BLOC1S6: variants seen among roughly 807,000 people sequenced by gnomAD.
BLOC1S6 encodes the protein biogenesis of lysosomal organelles complex 1 subunit 6.
BLOC1S6 carries 24 observed loss-of-function variants against 24.7 expected under a neutral mutation model. The ratio of observed to expected loss-of-function variants is 0.97; its 90% CI spans 0.70 to 1.37. The LOEUF is 1.37. BLOC1S6 is among the 40% of genes most tolerant of loss of function. BLOC1S6 has a pLI of 0.00. For missense variants in BLOC1S6, 175 were observed against 196.2 expected (o/e 0.89, Z 0.64); for synonymous variants, 76 against 72.6 (o/e 1.05, Z -0.23).
chr15:45,597,848 T>A (rs1181001011), intron 2 of BLOC1S6: 1 of 357,982 alleles, frequency 2.8e-6, no homozygotes, highest in East Asian at 9.7e-5. Context: ...TTTGTATACC[T>A]TTTATTTCTT....
Position 45,605,659 on chromosome 15 carries a change from G to A in BLOC1S6, c.399+145G>A, listed in dbSNP as rs1469563318. ...GGCTGGAGTGCAATGGTGCAATCTCGGCTCACTGCAACCTCTGCCTCCGGG... is the reference window on the plus strand; with the variant it reads ...GGCTGGAGTGCAATGGTGCAATCTCAGCTCACTGCAACCTCTGCCTCCGGG... On this transcript the variant is annotated intron_variant, in intron 4 of 4. Transcript: ENST00000220531. 3.2e-5 allele frequency: 20 copies of A among 624,038 alleles called. No individual in the cohort carries two copies. The East Asian group carries it at 4.7e-4, about 15-fold the overall frequency. The allele number at this position is 624,038 out of a possible 1,614,324, so 38.7% of individuals were successfully genotyped here.
At chr15:45,593,597 C>T (rs867098922) in intron 2 of BLOC1S6, among the ~76,000 whole-genome samples, 4 of 151,988 alleles carry the variant, frequency 2.6e-5, no homozygotes, top group African/African-American at 4.8e-5. Context: ...AAACTGCAAG[C>T]GAACATATCT....
At chr15:45,596,258 C>T (rs773360789) in intron 2 of BLOC1S6, among the ~76,000 whole-genome samples, 7 of 151,650 alleles carry the variant, frequency 4.6e-5, no homozygotes, top group Non-Finnish European at 7.4e-5. Context: ...AGTGCAGTGG[C>T]GCAGCCTTAG....
At chr15:45,587,957 G>T (rs1893744763) in intron 1 of BLOC1S6, 1 of 583,832 alleles carries the variant, frequency 1.7e-6, no homozygotes, top group South Asian at 2.1e-5. Flanking sequence ...TCCTGCAGCA[G>T]TCTTCTCGAC....
In BLOC1S6 at chr15:45,597,829, T is replaced by G. The variant is rs141680916; in HGVS notation, c.225-5271T>G. 8.5e-4 allele frequency: 270 copies of G among 316,568 alleles called. 2 individuals are homozygous for G. Among genetic ancestry groups the G allele is most frequent in the African/African-American group, 5.3e-3 (237 of 44,870 alleles). The allele number at this position is 316,568 out of a possible 1,614,324, so 19.6% of individuals were successfully genotyped here. A position where few individuals can be genotyped will look rare whatever the true frequency, so the allele number is the denominator to read the frequency against. ...GGGAACAAAGACAGTATTATTGCTTTCTTCTCAATTTGTATACCTTTTATT... is the reference window on the plus strand; with the variant it reads ...GGGAACAAAGACAGTATTATTGCTTGCTTCTCAATTTGTATACCTTTTATT... On this transcript the variant is annotated intron_variant, in intron 2 of 4. Coordinates refer to ENST00000220531, the MANE Select transcript of BLOC1S6 (RefSeq NM_012388.4).
At chr15:45,599,514 G>C (rs1322134448) in intron 2 of BLOC1S6, 4 of 131,576 alleles carry the variant, frequency 3.0e-5, no homozygotes, top group African/African-American at 1.5e-4. Context: ...TCAAAAAGTG[G>C]GCGAAGGACA....
Position 45,607,556 on chromosome 15 carries a change from T to C in BLOC1S6, c.*1042T>C, listed in dbSNP as rs1894519626. 6.6e-6 allele frequency: 1 copy of C among 152,312 alleles called. No homozygotes were observed. The highest frequency in any genetic ancestry group is 1.9e-4 in the East Asian group (1 of 5,182). The allele number at this position is 152,312 out of a possible 1,614,324, so 9.4% of individuals were successfully genotyped here. A position where few individuals can be genotyped will look rare whatever the true frequency, so the allele number is the denominator to read the frequency against. On this transcript the variant is annotated 3_prime_UTR_variant, in exon 5 of 5. Transcript: ENST00000220531. ...TTGGGACGCCGAGGCGGGTGGATCA[T>C]GAGGTCAAAAGATTGAGACCATCCT...
intron 1 of BLOC1S6, 131 bp downstream of exon 1, chr15:45,587,656 G>A (rs1397332189): frequency 2.1e-6 from 2 of 951,186 alleles, no homozygotes; most frequent in East Asian, 2.6e-5. Flanking sequence ...GCCCTGCCCC[G>A]AGTGCAGAAA....
chr15:45,603,485 G>A (rs1478944715), intron 3 of BLOC1S6, among the ~76,000 whole-genome samples: 1 of 152,200 alleles, frequency 6.6e-6, no homozygotes, highest in Non-Finnish European at 1.5e-5. Context: ...TGAGGCAGGA[G>A]GATTGCTTGA....
In BLOC1S6 at chr15:45,606,605, A is replaced by G. The variant is rs1391268631; in HGVS notation, c.*91A>G. 19 of 1,549,624 alleles carry G rather than the reference A, an allele frequency of 1.2e-5. No individual in the cohort carries two copies. Among genetic ancestry groups the G allele is most frequent in the Non-Finnish European group, 1.7e-5 (19 of 1,123,180 alleles). ...TGAAGTTGAGGTAGTGCCTTATGCC[A>G]TTATGTCATATGTTGAAATCCTTAT... On this transcript the variant is annotated 3_prime_UTR_variant, in exon 5 of 5. Transcript: ENST00000220531.
At chr15:45,605,573 G>GTTTTTTTTTT in intron 4 of BLOC1S6, 59 bp downstream of exon 4, 1 of 824,800 alleles carries the variant, frequency 1.2e-6, no homozygotes, top group Non-Finnish European at 1.8e-6. Context: ...GTTTTTTGTT[G>GTTTTTTTTTT]TTTTTTTTTT....
At chr15:45,603,077 T>C in intron 2 of BLOC1S6, 23 bp from the exon 3 acceptor site, 1 of 1,521,886 alleles carries the variant, frequency 6.6e-7, no homozygotes, top group Non-Finnish European at 9.1e-7. Flanking sequence ...AGAGTTTGTC[T>C]TGGCTGTGTG....
chr15:45,592,146 A>G lies in BLOC1S6; in HGVS notation c.94A>G (p.Thr32Ala). The change falls in exon 2 of 5, where the codon ACT becomes GCT. Residue 32 changes from threonine (T) to alanine (A), a missense_variant. Physicochemically the swap from Thr to Ala is moderately conservative, Grantham distance 58 (BLOSUM62 0). Transcript: ENST00000220531. Reference sequence around the variant, plus strand: ...TTTGCTGGGGACAGGTTTAAGTGACACTTCTCCAGATGAAGGGTTAATAGA... The same window carrying G: ...TTTGCTGGGGACAGGTTTAAGTGACGCTTCTCCAGATGAAGGGTTAATAGA... ...AGEPTPGLSD[T>A]SPDEGLIEDL... 6 of 1,614,172 alleles carry G rather than the reference A, an allele frequency of 3.7e-6. No individual in the cohort carries two copies. The highest frequency in any genetic ancestry group is 5.1e-6 in the Non-Finnish European group (6 of 1,180,040).
chr15:45,594,400 A>G (rs897989604), intron 2 of BLOC1S6, among the ~76,000 whole-genome samples: 14 of 152,206 alleles, frequency 9.2e-5, no homozygotes, highest in Admixed American at 7.9e-4. Context: ...AGTGGCCTCC[A>G]TGGAGCTCCC....
intron 3 of BLOC1S6, among the ~76,000 whole-genome samples, chr15:45,604,495 T>C (rs1231660273): frequency 2.6e-5 from 4 of 152,112 alleles, no homozygotes; most frequent in African/African-American, 9.7e-5. Flanking sequence ...TGAATGAATG[T>C]TGAATGAATT....
At chr15:45,605,750 C>T in intron 4 of BLOC1S6, 1 of 422,218 alleles carries the variant, frequency 2.4e-6, no homozygotes. Context: ...CCACCACACC[C>T]ACCTAATTTT....
At chr15:45,589,632 A>C (rs372848236) in intron 1 of BLOC1S6, among the ~76,000 whole-genome samples, 2 of 152,348 alleles carry the variant, frequency 1.3e-5, no homozygotes, top group South Asian at 2.1e-4. Context: ...CTTCCAGGGA[A>C]GGAGACTTGC....
At chr15:45,592,078 A>G in intron 1 of BLOC1S6, 57 bp from the exon 2 acceptor site, 1 of 1,587,792 alleles carries the variant, frequency 6.3e-7, no homozygotes, top group Non-Finnish European at 8.6e-7. Flanking sequence ...TCAGTTGACC[A>G]GCCTAAAAAA....
At chr15:45,602,821 A>G (rs542582907) in intron 2 of BLOC1S6, among the ~76,000 whole-genome samples, 1 of 152,354 alleles carries the variant, frequency 6.6e-6, no homozygotes, top group East Asian at 1.9e-4. Flanking sequence ...AATAATACAG[A>G]GAGTTGTTAA....
Sources: gnomAD v4.1 joint callset for allele counts (sites outside exome capture counted in the v4.1 genomes callset) on GRCh38, gnomAD v4.1.1 for gene constraint, MANE v1.5 for transcripts, NCBI Gene and HGNC (gene_info 2026-07-23, HGNC 2026-07-21) for gene names.